The following PHACTR2 variants were observed in gnomAD, a reference collection of about 807,000 sequenced individuals.
PHACTR2 encodes chromosome 6 open reading frame 56.
A neutral mutation model predicts 76.0 loss-of-function variants in PHACTR2; 30 were observed. That is an observed-to-expected ratio of 0.39 (90% CI 0.30 to 0.54). The LOEUF is 0.54. Ranked by LOEUF, PHACTR2 falls within the 20% of genes least tolerant of loss-of-function variation. The probability of loss-of-function intolerance (pLI) is 0.61; values close to 1 mark genes in which losing one functional copy is unlikely to be tolerated. For missense variants in PHACTR2, 696 were observed against 781.1 expected, an observed-to-expected ratio of 0.89 and a Z score of 1.30; for synonymous variants, 292 against 292.5, an observed-to-expected ratio of 1.00 and a Z score of 0.02.
In PHACTR2 at chr6:143,662,359, G is replaced by T. The variant is rs1355692432; in HGVS notation, c.14-49657G>T. ...ACAAGGAACATAAAAGTAAAGAAGA[G>T]ATGAAGTTAAGCCTGTTAAATATAA... On this transcript the variant is annotated intron_variant, in intron 1 of 11. Transcript: ENST00000305766. This position sits in a 1 kb window ranked among gnomAD's most constrained non-coding sequence, Gnocchi z 4.7. 4.6e-5 allele frequency among the ~76,000 whole-genome samples: 7 copies of T among 152,098 alleles called. No individual in the cohort carries two copies. The highest frequency in any genetic ancestry group is 1.3e-4 in the Admixed American group (2 of 15,248).
intron 2 of PHACTR2, among the ~76,000 whole-genome samples, chr6:143,725,513 T>G: frequency 6.6e-6 from 1 of 151,944 alleles, no homozygotes. Context: ...GCTGTCTTTT[T>G]ATAGTCACGC....
At chr6:143,601,314 A>G (rs1775812821) in intron 1 of PHACTR2, among the ~76,000 whole-genome samples, 1 of 152,156 alleles carries the variant, frequency 6.6e-6, no homozygotes, top group African/African-American at 2.4e-5. Flanking sequence ...TGGCCTTTAG[A>G]TCTGTACAGG....
rs143495452 is a variant in PHACTR2, at chr6:143,813,738, A to G, written c.1922+6605A>G. Among the ~76,000 whole-genome samples, 74 of 151,572 alleles carry G rather than the reference A, an allele frequency of 4.9e-4. No individual in the cohort carries two copies. In the East Asian group the frequency reaches 0.014, roughly 29 times the overall value. On this transcript the variant is annotated intron_variant, in intron 12 of 12. Coordinates refer to ENST00000440869, the MANE Select transcript of PHACTR2 (RefSeq NM_001100164.2). ...ATAGTAATCTTTTTTTCTTTTATCT[A>G]CTTTTCAAATTTTCTTAATGGTAAG...
chr6:143,587,256 T>A (rs1210752188), intron 1 of PHACTR2, among the ~76,000 whole-genome samples: 2 of 152,230 alleles, frequency 1.3e-5, no homozygotes, highest in Non-Finnish European at 2.9e-5. Flanking sequence ...ATTAGATTCA[T>A]CAAATGAATC....
At position 143,641,800 on chromosome 6, in the gene PHACTR2, C is replaced by T. The variant is rs888600300; in HGVS notation, c.13+33478C>T. Among the ~76,000 whole-genome samples, 1 of 152,142 alleles carries T rather than the reference C, an allele frequency of 6.6e-6. No individual in the cohort carries two copies. The highest frequency in any genetic ancestry group is 2.4e-5 in the African/African-American group (1 of 41,414). ...GGATTACAGGTATGAGCCACCGCAC[C>T]CAGCCAAATTTCTGTTGTTTTAAGT... On this transcript the variant is annotated intron_variant, in intron 1 of 11. Transcript: ENST00000305766. The surrounding 1 kb of genome is among the most constrained non-coding windows in gnomAD (Gnocchi z 5.8).
chr6:143,684,751 G>GTGGAAC lies in PHACTR2; in HGVS notation c.46+6544_46+6549dup, dbSNP rs1777476194. 6.6e-6 allele frequency among the ~76,000 whole-genome samples: 1 copy of GTGGAAC among 152,182 alleles called. No homozygotes were observed. Among genetic ancestry groups the GTGGAAC allele is most frequent in the Non-Finnish European group, 1.5e-5 (1 of 68,032 alleles). ...TAGCTCCACAGCACAGACTTAACAA[G>GTGGAAC]TGGAACTTTAGCATGTATTTAATTC... On this transcript the variant is annotated intron_variant, in intron 1 of 12. Coordinates refer to ENST00000440869, the MANE Select transcript of PHACTR2 (RefSeq NM_001100164.2). This position sits in a 1 kb window ranked among gnomAD's most constrained non-coding sequence, Gnocchi z 4.3.
At chr6:143,637,450 A>G (rs2128443233) in intron 1 of PHACTR2, among the ~76,000 whole-genome samples, 1 of 152,326 alleles carries the variant, frequency 6.6e-6, no homozygotes, top group Non-Finnish European at 1.5e-5. Context: ...CCTAGTCCTC[A>G]ATATGTTCTC....
In PHACTR2 at chr6:143,823,602, G is replaced by GCCTT. The variant is rs1776472241; in HGVS notation, c.1923-71_1923-68dup. On this transcript the variant is annotated intron_variant, in intron 12 of 12. Coordinates refer to ENST00000440869, the MANE Select transcript of PHACTR2 (RefSeq NM_001100164.2). The surrounding 1 kb of genome is among the most constrained non-coding windows in gnomAD (Gnocchi z 5.7). ...ACCTTTTCATTGTAAACATGACCACGCCTTATTCAGCTCACTGCATGCAGA... is the reference window on the plus strand; with the variant it reads ...ACCTTTTCATTGTAAACATGACCACGCCTTCCTTATTCAGCTCACTGCATGCAGA... The GCCTT allele has an allele frequency of 6.9e-6, 8 of 1,156,538 alleles. No homozygotes were observed. Among genetic ancestry groups the GCCTT allele is most frequent in the Non-Finnish European group, 1.0e-5 (8 of 767,152 alleles). 71.6% of individuals were successfully genotyped at this position (1,156,538 alleles called of 1,614,324 possible).
intron 1 of PHACTR2, among the ~76,000 whole-genome samples, chr6:143,600,844 C>T (rs1423489789): frequency 6.6e-6 from 1 of 152,154 alleles, no homozygotes; most frequent in Non-Finnish European, 1.5e-5. Context: ...TATGCTTTTG[C>T]ATTGAAAGCA....
intron 2 of PHACTR2, among the ~76,000 whole-genome samples, chr6:143,721,892 G>A (rs561826368): frequency 6.6e-6 from 1 of 152,252 alleles, no homozygotes; most frequent in South Asian, 2.1e-4. Flanking sequence ...GGAGTCCACA[G>A]GGTGCCTGTG....
intron 1 of PHACTR2, among the ~76,000 whole-genome samples, chr6:143,601,218 G>T (rs1209897342): frequency 6.6e-6 from 1 of 152,192 alleles, no homozygotes; most frequent in African/African-American, 2.4e-5. Flanking sequence ...GTCAGTTGTG[G>T]GTTCCAATTC....
At position 143,783,975 on chromosome 6, in the gene PHACTR2, TG is replaced by T. The variant is rs1377845418; in HGVS notation, c.1707+696del. On this transcript the variant is annotated intron_variant, in intron 10 of 12. Coordinates refer to ENST00000440869, the MANE Select transcript of PHACTR2 (RefSeq NM_001100164.2). The surrounding 1 kb of genome is among the most constrained non-coding windows in gnomAD (Gnocchi z 5.2). ...GTCAAGACCAGCCTGGACAACATAG[TG>T]AGACCTTGTTTCAAAAAAAAAGAAT... 1.3e-5 allele frequency among the ~76,000 whole-genome samples: 2 copies of T among 149,818 alleles called. No individual in the cohort carries two copies. Among genetic ancestry groups the T allele is most frequent in the African/African-American group, 2.5e-5 (1 of 40,610 alleles).
chr6:143,770,073 A>G (rs1156676702), intron 6 of PHACTR2, among the ~76,000 whole-genome samples: 1 of 152,196 alleles, frequency 6.6e-6, no homozygotes, highest in Non-Finnish European at 1.5e-5. Flanking sequence ...TATTATTCAC[A>G]ATAGCCAAAA....
intron 1 of PHACTR2, among the ~76,000 whole-genome samples, chr6:143,685,804 G>T (rs1159222912): frequency 1.3e-5 from 2 of 151,548 alleles, no homozygotes; most frequent in Non-Finnish European, 2.9e-5. Context: ...CAACTTATCA[G>T]AAAAGCAGTT....
intron 7 of PHACTR2, among the ~76,000 whole-genome samples, chr6:143,773,350 T>C (rs1050605606): frequency 6.6e-5 from 10 of 152,160 alleles, no homozygotes; most frequent in African/African-American, 1.9e-4. Flanking sequence ...AAAACCACAA[T>C]TACTTTTGCA....
chr6:143,729,414 C>A lies in PHACTR2; in HGVS notation c.214+17231C>A, dbSNP rs187430448. ...TTTGGTCTCCTGTCATGCCTAATCT[C>A]AGGTCACAAAGATTTTTATCCTATG... On this transcript the variant is annotated intron_variant, in intron 2 of 12. Transcript: ENST00000440869. Among the ~76,000 whole-genome samples the A allele has an allele frequency of 6.5e-3, 986 of 152,148 alleles. 3 individuals are homozygous for A. Among genetic ancestry groups the A allele is most frequent in the Middle Eastern group, 0.02 (6 of 294 alleles).
At chr6:143,677,624 G>C (rs11155318), upstream of PHACTR2, among the ~76,000 whole-genome samples, 66,859 of 152,054 alleles carry the variant, frequency 0.44, 14,937 homozygotes, top group South Asian at 0.59. Context: ...AGACATGAGA[G>C]TGCCACAATA....
In PHACTR2 at chr6:143,823,799, T is replaced by C. The variant is rs1316159976; in HGVS notation, c.*110T>C. The C allele has an allele frequency of 3.2e-6, 3 of 942,504 alleles. No homozygotes were observed. Among genetic ancestry groups the C allele is most frequent in the Non-Finnish European group, 5.2e-6 (3 of 579,132 alleles). 58.4% of individuals were successfully genotyped at this position (942,504 alleles called of 1,614,324 possible). ...TTGAATGTGTGTGTTTCCGTTTAAC[T>C]TGTGGTGAAGGAAGTGTGTGACTCA... On this transcript the variant is annotated 3_prime_UTR_variant, in exon 13 of 13. Coordinates refer to ENST00000440869, the MANE Select transcript of PHACTR2 (RefSeq NM_001100164.2). The surrounding 1 kb of genome is among the most constrained non-coding windows in gnomAD (Gnocchi z 5.7).
rs1036667121 is a variant in PHACTR2, at chr6:143,825,880, G to A, written c.*2191G>A. 6.6e-6 allele frequency: 1 copy of A among 151,964 alleles called. No individual in the cohort carries two copies. Among genetic ancestry groups the A allele is most frequent in the East Asian group, 1.9e-4 (1 of 5,188 alleles). 9.4% of individuals were successfully genotyped at this position (151,964 alleles called of 1,614,324 possible). On this transcript the variant is annotated 3_prime_UTR_variant, in exon 13 of 13. Coordinates refer to ENST00000440869, the MANE Select transcript of PHACTR2 (RefSeq NM_001100164.2). The surrounding 1 kb of genome is among the most constrained non-coding windows in gnomAD (Gnocchi z 4.1). ...ATTTTTTCCCACTTTTGATGCCTGTGATGCAATTTTTTATTGCCTACAATG... is the reference window on the plus strand; with the variant it reads ...ATTTTTTCCCACTTTTGATGCCTGTAATGCAATTTTTTATTGCCTACAATG...
Sources: gnomAD v4.1 joint callset for allele counts (sites outside exome capture counted in the v4.1 genomes callset) on GRCh38, gnomAD v4.1.1 for gene constraint, Gnocchi (gnomAD v3.1) non-coding constraint, MANE v1.5 for transcripts, NCBI Gene and HGNC (gene_info 2026-07-23, HGNC 2026-07-21) for gene names.